SBDS: variants seen among roughly 807,000 people sequenced by gnomAD.
SBDS encodes the protein SBDS ribosome maturation factor, also known as ribosome maturation protein SBDS.
Under a neutral mutation model 26.4 loss-of-function variants are expected in SBDS, and 20 were observed. The ratio of observed to expected loss-of-function variants is 0.76; its 90% CI spans 0.53 to 1.10. The LOEUF is 1.10. SBDS is among the 50% of genes least tolerant of loss of function. The pLI is 0.00. For missense variants in SBDS, 241 were observed against 302.0 expected (o/e 0.80, Z 1.50); for synonymous variants, 95 against 105.1 (o/e 0.90, Z 0.59).
intron 4 of SBDS, among the ~76,000 whole-genome samples, chr7:66,989,327 C>G (rs1792928175): frequency 6.7e-6 from 1 of 148,172 alleles, no homozygotes; most frequent in Non-Finnish European, 1.5e-5. Flanking sequence ...GGGTGGATCA[C>G]CTGAGGTCGG....
chr7:66,994,649 C>G (rs1158927020), intron 1 of SBDS, among the ~76,000 whole-genome samples: 1 of 152,174 alleles, frequency 6.6e-6, no homozygotes, highest in East Asian at 1.9e-4. Context: ...CATGCGCCAC[C>G]ACACCCGGCT....
intron 3 of SBDS, among the ~76,000 whole-genome samples, chr7:66,992,496 A>G (rs183865590): frequency 2.6e-5 from 4 of 152,150 alleles, no homozygotes; most frequent in Non-Finnish European, 5.9e-5. Context: ...TAAAAAATTC[A>G]AAAAGAAGTG....
chr7:66,994,082 G>A (rs1793033988), intron 2 of SBDS, 130 bp downstream of exon 2: 2 of 770,360 alleles, frequency 2.6e-6, no homozygotes, highest in Non-Finnish European at 4.3e-6. Flanking sequence ...ATTATTAGAA[G>A]TGACACTGTG....
intron 1 of SBDS, among the ~76,000 whole-genome samples, chr7:66,994,848 G>A (rs2129232705): frequency 6.6e-6 from 1 of 152,302 alleles, no homozygotes; most frequent in East Asian, 1.9e-4. Context: ...GTGGGGTGGG[G>A]TGCAGACAGC....
chr7:66,992,577 A>G (rs1349764410), intron 3 of SBDS, among the ~76,000 whole-genome samples: 1 of 151,972 alleles, frequency 6.6e-6, no homozygotes, highest in African/African-American at 2.4e-5. Context: ...AGAAAGTCCT[A>G]TATACATATT....
chr7:66,992,310 G>C (rs926820906), intron 3 of SBDS, among the ~76,000 whole-genome samples: 4 of 152,030 alleles, frequency 2.6e-5, no homozygotes, highest in Non-Finnish European at 4.4e-5. Flanking sequence ...GGTTGGGAGG[G>C]GCCTGTGGGG....
chr7:66,990,468 G>A (rs941407959), intron 4 of SBDS, among the ~76,000 whole-genome samples: 2 of 152,186 alleles, frequency 1.3e-5, no homozygotes, highest in African/African-American at 4.8e-5. Context: ...AGTAAAGCAT[G>A]CAATTGAGCT....
intron 1 of SBDS, among the ~76,000 whole-genome samples, chr7:66,994,625 A>G (rs139985687): frequency 0.036 from 5,406 of 152,012 alleles, 148 homozygotes; most frequent in African/African-American, 0.061. Flanking sequence ...CTCCTGAGTA[A>G]CTGGGATTAC....
At chr7:66,994,963 T>C (rs1353648302) in intron 1 of SBDS, among the ~76,000 whole-genome samples, 2 of 152,296 alleles carry the variant, frequency 1.3e-5, no homozygotes, top group South Asian at 4.1e-4. Context: ...CCCACAACTA[T>C]GACAGTATTC....
Position 66,994,228 on chromosome 7 carries a change from G to A in SBDS, c.242C>T (p.Thr81Ile), listed in dbSNP as rs772119912. Residue 81 changes from threonine (T) to isoleucine (I), a missense_variant, in exon 2 of 5, where the codon ACT becomes ATT. Coordinates refer to ENST00000246868, the MANE Select transcript of SBDS (RefSeq NM_016038.4). The stretch of plus-strand genomic sequence containing the variant: ...GTTACCCACCTGCTTACAGATTTCA[G>A]TTTGGTCATCTGTTCCAAACGCACT... ...LISAFGTDDQ[T>I]EICKQILTKG... 1.1e-5 allele frequency: 17 copies of A among 1,613,964 alleles called. 1 individual carries two copies. The African/African-American group carries it at 1.2e-4, about 11-fold the overall frequency.
chr7:66,992,202 G>A (rs958357075), intron 3 of SBDS, among the ~76,000 whole-genome samples: 2 of 152,080 alleles, frequency 1.3e-5, no homozygotes, highest in Non-Finnish European at 2.9e-5. Flanking sequence ...GCTGATGCAG[G>A]TTACAACATG....
At chr7:66,991,082 AC>A (rs1324918003) in intron 4 of SBDS, 54 bp downstream of exon 4, 1 of 1,377,410 alleles carries the variant, frequency 7.3e-7, no homozygotes, top group Non-Finnish European at 1.0e-6. Context: ...CAAATTTATT[AC>A]TAGAGAATAC....
intron 3 of SBDS, among the ~76,000 whole-genome samples, chr7:66,992,952 A>G (rs1562954854): frequency 6.6e-6 from 1 of 151,436 alleles, no homozygotes; most frequent in Non-Finnish European, 1.5e-5. Context: ...GATTGTAGTG[A>G]GCCGAGATCA....
chr7:66,990,744 C>T (rs559049984), intron 4 of SBDS, among the ~76,000 whole-genome samples: 14 of 152,266 alleles, frequency 9.2e-5, no homozygotes, highest in African/African-American at 1.4e-4. Context: ...TGGCTGGGCG[C>T]GGTGGCTCAC....
chr7:66,992,323 A>G (rs1792991342), intron 3 of SBDS, among the ~76,000 whole-genome samples: 1 of 151,858 alleles, frequency 6.6e-6, no homozygotes. Flanking sequence ...CTGTGGGGGG[A>G]AAATGGGGGA....
chr7:66,992,599 GAAA>G (rs200317456), intron 3 of SBDS, among the ~76,000 whole-genome samples: 1 of 146,886 alleles, frequency 6.8e-6, no homozygotes, highest in African/African-American at 2.5e-5. Context: ...GTGTTTACTT[GAAA>G]AAAAAAAATT....
At position 66,995,526 on chromosome 7, in the gene SBDS, C is replaced by A. The variant is rs1793093911; in HGVS notation, c.-109G>T. On this transcript the variant is annotated 5_prime_UTR_variant, in exon 1 of 5. Coordinates refer to ENST00000246868, the MANE Select transcript of SBDS (RefSeq NM_016038.4). The stretch of plus-strand genomic sequence containing the variant: ...ACGACCGATCGGCGCGCGGCACTGA[C>A]CCAACCACCAGTGCGCGGCGCCGCG... 2 of 1,534,680 alleles carry A rather than the reference C, an allele frequency of 1.3e-6. No individual in the cohort carries two copies. The highest frequency in any genetic ancestry group is 2.3e-4 in the Middle Eastern group (1 of 4,262).
Position 66,991,203 on chromosome 7 carries a change from C to T in SBDS, c.558G>A (p.Leu186=). The T allele has an allele frequency of 6.2e-7, 1 of 1,614,056 alleles. No individual in the cohort carries two copies. The highest frequency in any genetic ancestry group is 8.5e-7 in the Non-Finnish European group (1 of 1,180,004). The change falls in exon 4 of 5, where the codon CTG becomes CTA. Residue 186 remains leucine, a synonymous_variant. Transcript: ENST00000246868. ...FILPVNEGKK[L]KEKLKPLIKV... is the part of the protein sequence containing the mutation. ...TGATCAGTGGCTTGAGCTTTTCTTT[C>T]AGCTTCTTGCCTTCATTGACTGGAA...
rs927878982 is a variant in SBDS at position 66,993,232 on chromosome 7, C to T, written c.444G>A (p.Lys148=). 2 of 1,613,908 alleles carry T rather than the reference C, an allele frequency of 1.2e-6. No individual in the cohort carries two copies. The highest frequency in any genetic ancestry group is 1.3e-5 in the African/African-American group (1 of 74,900). The change falls in exon 3 of 5, where the codon AAG becomes AAA. Residue 148 remains lysine (K), a synonymous_variant. Coordinates refer to ENST00000246868, the MANE Select transcript of SBDS (RefSeq NM_016038.4). ...KDIHYSVKTN[K]STKQQALEVI... Reference sequence around the variant, plus strand: ...AACCACTCACCTGCTGTTTTGTACTCTTGTTGGTTTTCACCGAATAGTGGA... The same window carrying T: ...AACCACTCACCTGCTGTTTTGTACTTTTGTTGGTTTTCACCGAATAGTGGA...
Sources: gnomAD v4.1 joint callset for allele counts (sites outside exome capture counted in the v4.1 genomes callset) on GRCh38, gnomAD v4.1.1 for gene constraint, MANE v1.5 for transcripts, NCBI Gene and HGNC (gene_info 2026-07-23, HGNC 2026-07-21) for gene names.